KIF6: variants seen among roughly 807,000 people sequenced by gnomAD.
The protein encoded by KIF6 is kinesin-like protein KIF6.
In KIF6, 106 loss-of-function variants were observed where a neutral mutation model predicts 112.7. That is an observed-to-expected ratio of 0.94 (90% CI 0.80 to 1.11). The LOEUF (loss-of-function observed/expected upper bound fraction) is 1.11. Among genes scored for constraint, KIF6 ranks in the 50% least tolerant of loss-of-function variants. KIF6 has a pLI of 0.00. For missense variants in KIF6, 929 were observed against 964.0 expected, an observed-to-expected ratio of 0.96 and a Z score of 0.48; for synonymous variants, 339 against 339.9, an observed-to-expected ratio of 1.00 and a Z score of 0.03.
chr6:39,539,116 T>A (rs1778633699), intron 13 of KIF6, among the ~76,000 whole-genome samples: 1 of 150,338 alleles, frequency 6.7e-6, no homozygotes, highest in South Asian at 2.1e-4. Flanking sequence ...TACCTAATGC[T>A]AAATGACAAG....
intron 3 of KIF6, among the ~76,000 whole-genome samples, chr6:39,657,486 G>A (rs143864803): frequency 1.2e-3 from 186 of 152,126 alleles, no homozygotes; most frequent in African/African-American, 4.4e-3. Context: ...TATAGCCAGC[G>A]TGACCAAACA....
intron 20 of KIF6, among the ~76,000 whole-genome samples, chr6:39,346,053 T>A (rs143807082): frequency 4.4e-4 from 6 of 13,530 alleles, no homozygotes; most frequent in African/African-American, 1.5e-3. Context: ...TACAGTGCTC[T>A]CTCTCTCTCT....
rs186193959 is a variant in KIF6, at chr6:39,359,814, G to A, written c.2082+581C>T. Among the ~76,000 whole-genome samples, 53 of 152,256 alleles carry A rather than the reference G, an allele frequency of 3.5e-4. 1 individual carries two copies. Among genetic ancestry groups the A allele is most frequent in the Middle Eastern group, 3.4e-3 (1 of 294 alleles). On this transcript the variant is annotated intron_variant, in intron 18 of 22. Coordinates refer to ENST00000287152, the MANE Select transcript of KIF6 (RefSeq NM_145027.6). The stretch of plus-strand genomic sequence containing the variant: ...GGGTCTTGCCATGTTAACCAGGCTG[G>A]TCTTGAACTCCTGGGCTCAGGTGAT...
At chr6:39,397,420 G>A (rs867600427) in intron 15 of KIF6, among the ~76,000 whole-genome samples, 64 of 152,212 alleles carry the variant, frequency 4.2e-4, no homozygotes, top group South Asian at 8.3e-4. Flanking sequence ...TTTCCTCTGA[G>A]GCTAAATATT....
chr6:39,649,247 A>G (rs1451504001), intron 3 of KIF6, among the ~76,000 whole-genome samples: 1 of 152,220 alleles, frequency 6.6e-6, no homozygotes, highest in East Asian at 1.9e-4. Flanking sequence ...GTTCTATGAT[A>G]TATTGATCTG....
intron 3 of KIF6, among the ~76,000 whole-genome samples, chr6:39,671,232 A>C (rs2199171): frequency 0.41 from 61,865 of 152,118 alleles, 12,859 homozygotes; most frequent in Admixed American, 0.46. Context: ...ATGTGCTTTA[A>C]GCAGGATGTG....
At chr6:39,453,352 G>A (rs1021428111) in intron 13 of KIF6, among the ~76,000 whole-genome samples, 21 of 152,178 alleles carry the variant, frequency 1.4e-4, no homozygotes, top group African/African-American at 4.6e-4. Context: ...AATGTCGTCC[G>A]AGTTTGTGTT....
intron 13 of KIF6, among the ~76,000 whole-genome samples, chr6:39,492,803 C>T (rs1581972911): frequency 6.6e-6 from 1 of 152,254 alleles, no homozygotes; most frequent in African/African-American, 2.4e-5. Context: ...AGGAACAACA[C>T]CTGGACTTGA....
intron 2 of KIF6, among the ~76,000 whole-genome samples, chr6:39,716,622 G>A (rs927606994): frequency 3.9e-5 from 6 of 152,164 alleles, no homozygotes; most frequent in Non-Finnish European, 5.9e-5. Flanking sequence ...ATGATTAACA[G>A]AGGAAGAAGT....
intron 13 of KIF6, among the ~76,000 whole-genome samples, chr6:39,521,781 A>C (rs1429842258): frequency 6.6e-6 from 1 of 152,210 alleles, no homozygotes; most frequent in African/African-American, 2.4e-5. Flanking sequence ...GGGAATTCTC[A>C]GAAGCATATC....
intron 16 of KIF6, among the ~76,000 whole-genome samples, chr6:39,374,468 C>T (rs937178083): frequency 2.0e-5 from 3 of 152,044 alleles, no homozygotes; most frequent in African/African-American, 7.2e-5. Context: ...TATTGGCAAA[C>T]CATACATCTG....
intron 1 of KIF6, 23 bp downstream of exon 1, chr6:39,725,222 G>A: frequency 1.3e-6 from 2 of 1,598,730 alleles, no homozygotes; most frequent in Non-Finnish European, 1.7e-6. Context: ...CCGCGCCGGC[G>A]CCCCGGAGGC....
chr6:39,670,326 A>T (rs1786736195), intron 3 of KIF6, among the ~76,000 whole-genome samples: 1 of 152,264 alleles, frequency 6.6e-6, no homozygotes, highest in Non-Finnish European at 1.5e-5. Context: ...AGATCTGCAT[A>T]TAACTTTTGA....
chr6:39,652,321 G>A (rs1332923771), intron 3 of KIF6, among the ~76,000 whole-genome samples: 1 of 152,040 alleles, frequency 6.6e-6, no homozygotes, highest in African/African-American at 2.4e-5. Context: ...CTAAGGTCGG[G>A]AGTTCAAGAC....
At chr6:39,631,923 T>C (rs559852772) in intron 5 of KIF6, among the ~76,000 whole-genome samples, 1 of 152,260 alleles carries the variant, frequency 6.6e-6, no homozygotes, top group East Asian at 1.9e-4. Context: ...CTTATAAAAT[T>C]ATGAATTCAA....
intron 3 of KIF6, among the ~76,000 whole-genome samples, chr6:39,705,443 A>G (rs1458364893): frequency 6.6e-6 from 1 of 152,230 alleles, no homozygotes; most frequent in Non-Finnish European, 1.5e-5. Context: ...ATAAGAAATA[A>G]AGCCCATCAC....
intron 13 of KIF6, among the ~76,000 whole-genome samples, chr6:39,492,828 C>A (rs1451311167): frequency 6.6e-6 from 1 of 152,152 alleles, no homozygotes; most frequent in Non-Finnish European, 1.5e-5. Flanking sequence ...GATCCTTGAC[C>A]TTGAGCCTGA....
At chr6:39,706,055 T>C (rs1465273792) in intron 3 of KIF6, among the ~76,000 whole-genome samples, 1 of 152,224 alleles carries the variant, frequency 6.6e-6, no homozygotes, top group Non-Finnish European at 1.5e-5. Flanking sequence ...ACTAACTTTT[T>C]AATCCAAGTA....
intron 15 of KIF6, among the ~76,000 whole-genome samples, chr6:39,391,032 T>A (rs1199751128): frequency 6.6e-6 from 1 of 152,204 alleles, no homozygotes; most frequent in Non-Finnish European, 1.5e-5. Context: ...TGCTAATATA[T>A]ATTTCATCAG....
Sources: gnomAD v4.1 joint callset for allele counts (sites outside exome capture counted in the v4.1 genomes callset) on GRCh38, gnomAD v4.1.1 for gene constraint, MANE v1.5 for transcripts, NCBI Gene and HGNC (gene_info 2026-07-23, HGNC 2026-07-21) for gene names.